Variants in PLXNC1 observed in about 807,000 individuals in gnomAD.
The protein encoded by PLXNC1 is plexin C1, also known as plexin-C1.
Under a neutral mutation model 178.2 loss-of-function variants are expected in PLXNC1, and 75 were observed. The ratio of observed to expected loss-of-function variants is 0.42; its 90% CI spans 0.35 to 0.51. The LOEUF (loss-of-function observed/expected upper bound fraction) is 0.51. Ranked by LOEUF, PLXNC1 falls within the 20% of genes least tolerant of loss-of-function variation. The pLI, the probability that PLXNC1 is intolerant of heterozygous loss-of-function variation, is 0.02. For synonymous variants in PLXNC1, 790 were observed against 779.9 expected, an observed-to-expected ratio of 1.01 and a Z score of -0.22; for missense variants, 1,503 against 1,984.4, an observed-to-expected ratio of 0.76 and a Z score of 4.61.
At chr12:94,265,328 C>T (rs1341726945) in intron 21 of PLXNC1, 103 bp downstream of exon 21, 20 of 1,012,284 alleles carry the variant, frequency 2.0e-5, no homozygotes, top group Admixed American at 6.8e-5. Context: ...ATCTCTACTG[C>T]GGGAGGCCCT....
In PLXNC1 at chr12:94,171,251, G is replaced by A. The variant is rs112035620; in HGVS notation, c.1203+1958G>A. 9.3e-3 allele frequency among the ~76,000 whole-genome samples: 1,409 copies of A among 152,312 alleles called. 25 individuals carry two copies. The highest frequency in any genetic ancestry group is 0.031 in the African/African-American group (1,298 of 41,564). ...TCATGCTGCTGAGGAGGCCGCAGCC[G>A]ACCGAAGTCTCGCTCTCCTCAGGAT... On this transcript the variant is annotated intron_variant, in intron 2 of 30. Transcript: ENST00000258526.
intron 21 of PLXNC1, among the ~76,000 whole-genome samples, chr12:94,267,557 C>T (rs899957167): frequency 5.9e-5 from 9 of 151,998 alleles, no homozygotes; most frequent in African/African-American, 1.9e-4. Context: ...TCAGATTTGC[C>T]GGTACATAAG....
chr12:94,260,644 G>T lies in PLXNC1; in HGVS notation c.3254G>T (p.Cys1085Phe). 1 of 1,611,956 alleles carries T rather than the reference G, an allele frequency of 6.2e-7. No homozygotes were observed. The highest frequency in any genetic ancestry group is 1.8e-4 in the Middle Eastern group (1 of 5,628). The change falls in exon 20 of 31, where the codon TGT (cysteine) becomes TTT (phenylalanine). Residue 1085 changes from cysteine to phenylalanine, a missense_variant and splice_region_variant. Coordinates refer to ENST00000258526, the MANE Select transcript of PLXNC1 (RefSeq NM_005761.3). This position sits in a 1 kb window ranked among gnomAD's most constrained non-coding sequence, Gnocchi z 4.4. Reference sequence around the variant, plus strand: ...CACCCAGCTCTCTTTTTCAACAGGTGTCTGTTTGCCTCCTTCCTAACCATT... The same window carrying T: ...CACCCAGCTCTCTTTTTCAACAGGTTTCTGTTTGCCTCCTTCCTAACCATT... ...KQKNFSVKDR[C>F]LFASFLTIAL...
At chr12:94,300,652 A>G (rs1465493634) in intron 27 of PLXNC1, among the ~76,000 whole-genome samples, 2 of 152,130 alleles carry the variant, frequency 1.3e-5, no homozygotes, top group African/African-American at 4.8e-5. Context: ...TATAATCAAG[A>G]GCTATCTGGA....
At chr12:94,175,171 G>A (rs1962004558) in intron 2 of PLXNC1, among the ~76,000 whole-genome samples, 1 of 151,948 alleles carries the variant, frequency 6.6e-6, no homozygotes, top group Admixed American at 6.6e-5. Context: ...GTGCATATGT[G>A]TGTGTGAGCT....
intron 1 of PLXNC1, among the ~76,000 whole-genome samples, chr12:94,156,993 C>A (rs1231085911): frequency 6.6e-6 from 1 of 152,206 alleles, no homozygotes; most frequent in Admixed American, 6.5e-5. Flanking sequence ...TAAGCCAGCA[C>A]ACTTGCCTCC....
chr12:94,195,522 T>G (rs967361175), intron 4 of PLXNC1, among the ~76,000 whole-genome samples: 1 of 152,122 alleles, frequency 6.6e-6, no homozygotes, highest in Non-Finnish European at 1.5e-5. Context: ...CTCCCAACAC[T>G]TCGTGCTCCA....
chr12:94,157,186 T>C (rs1385926573), intron 1 of PLXNC1, among the ~76,000 whole-genome samples: 1 of 152,172 alleles, frequency 6.6e-6, no homozygotes, highest in Non-Finnish European at 1.5e-5. Context: ...TGCTGGCCCC[T>C]GGTCCGACTA....
At chr12:94,208,751 T>C (rs1963380037) in intron 4 of PLXNC1, among the ~76,000 whole-genome samples, 1 of 152,246 alleles carries the variant, frequency 6.6e-6, no homozygotes. Context: ...GATAACGTGC[T>C]GTTGGTATTT....
At chr12:94,225,781 A>C (rs954243977) in intron 7 of PLXNC1, among the ~76,000 whole-genome samples, 1 of 152,194 alleles carries the variant, frequency 6.6e-6, no homozygotes, top group African/African-American at 2.4e-5. Context: ...GGGTAGAAGA[A>C]GCGAGCAAAT....
At chr12:94,266,449 A>G (rs926868087) in intron 21 of PLXNC1, among the ~76,000 whole-genome samples, 1 of 152,252 alleles carries the variant, frequency 6.6e-6, no homozygotes, top group Non-Finnish European at 1.5e-5. Flanking sequence ...TTGAGCATCT[A>G]GCAGAATCGC....
chr12:94,291,255 A>G (rs1055414115), intron 23 of PLXNC1, among the ~76,000 whole-genome samples: 4 of 152,238 alleles, frequency 2.6e-5, no homozygotes, highest in African/African-American at 9.6e-5. Flanking sequence ...ATAATTTTTG[A>G]GACAGGGTCT....
chr12:94,270,855 A>G (rs1020057040), intron 21 of PLXNC1, among the ~76,000 whole-genome samples: 1 of 151,916 alleles, frequency 6.6e-6, no homozygotes, highest in Admixed American at 6.6e-5. Flanking sequence ...TGATCCAGGA[A>G]GCTGTGATTT....
intron 26 of PLXNC1, among the ~76,000 whole-genome samples, chr12:94,298,384 G>C (rs890464884): frequency 6.6e-6 from 1 of 152,164 alleles, no homozygotes; most frequent in African/African-American, 2.4e-5. Context: ...TATCCTCCCA[G>C]TTGACTAAAC....
chr12:94,164,028 C>G (rs1961495402), intron 1 of PLXNC1, among the ~76,000 whole-genome samples: 1 of 149,900 alleles, frequency 6.7e-6, no homozygotes, highest in African/African-American at 2.5e-5. Flanking sequence ...GTCCATTTTA[C>G]AGATACAGTC....
intron 4 of PLXNC1, among the ~76,000 whole-genome samples, chr12:94,187,265 C>A (rs1170897958): frequency 2.6e-5 from 4 of 151,556 alleles, no homozygotes; most frequent in African/African-American, 4.8e-5. Flanking sequence ...TAAGAAAGAG[C>A]AGAGCAGGTG....
chr12:94,287,015 C>T (rs1015625647), intron 23 of PLXNC1, among the ~76,000 whole-genome samples: 1 of 152,208 alleles, frequency 6.6e-6, no homozygotes, highest in East Asian at 1.9e-4. Context: ...CCCCCAGCAC[C>T]GGGGAATTGC....
chr12:94,297,251 G>A, intron 25 of PLXNC1, 31 bp downstream of exon 25: 1 of 1,613,804 alleles, frequency 6.2e-7, no homozygotes, highest in Non-Finnish European at 8.5e-7. Context: ...GCTCACCACT[G>A]AACTGCATGC....
At chr12:94,152,676 C>T (rs58720281) in intron 1 of PLXNC1, among the ~76,000 whole-genome samples, 79 of 152,318 alleles carry the variant, frequency 5.2e-4, no homozygotes, top group African/African-American at 1.8e-3. Flanking sequence ...AACAGTAATC[C>T]ACAGGCTGCA....
Sources: allele counts gnomAD v4.1 joint callset (sites outside exome capture counted in the v4.1 genomes callset), GRCh38; gene constraint gnomAD v4.1.1; non-coding constraint Gnocchi (gnomAD v3.1); transcripts MANE v1.5; gene names NCBI Gene and HGNC (gene_info 2026-07-23, HGNC 2026-07-21).